The following DAB1 variants were observed in gnomAD, a reference collection of about 807,000 sequenced individuals.
DAB1 encodes disabled homolog 1.
Under a neutral mutation model 64.6 loss-of-function variants are expected in DAB1, and 15 were observed. The ratio of observed to expected loss-of-function variants is 0.23; its 90% CI spans 0.16 to 0.36. The LOEUF is 0.36. DAB1 is among the 10% of genes least tolerant of loss of function. DAB1 has a pLI of 1.00. For synonymous variants in DAB1, 235 were observed against 251.9 expected (o/e 0.93, Z 0.64); for missense variants, 596 against 706.7 (o/e 0.84, Z 1.78).
At chr1:57,235,110 T>C (rs923121759) in intron 2 of DAB1, among the ~76,000 whole-genome samples, 8 of 152,180 alleles carry the variant, frequency 5.3e-5, no homozygotes, top group African/African-American at 1.9e-4. Context: ...GGAAATACCA[T>C]TTGGGGGCCA....
chr1:58,099,175 C>A (rs1651166001), intron 5 of DAB1, among the ~76,000 whole-genome samples: 1 of 152,194 alleles, frequency 6.6e-6, no homozygotes, highest in Non-Finnish European at 1.5e-5. Flanking sequence ...CATGCTGGCT[C>A]TTTTCCCTGG....
chr1:57,237,255 G>T (rs1007907111), intron 2 of DAB1, among the ~76,000 whole-genome samples: 2 of 152,170 alleles, frequency 1.3e-5, no homozygotes, highest in Non-Finnish European at 2.9e-5. Flanking sequence ...CATTTGTTGG[G>T]ATGAAGCAGG....
In DAB1 at chr1:57,635,958, G is replaced by A. The variant is rs549041964; in HGVS notation, n.625+13634C>T. Among the ~76,000 whole-genome samples, 102 of 151,998 alleles carry A rather than the reference G, an allele frequency of 6.7e-4. 1 individual carries two copies. Among genetic ancestry groups the A allele is most frequent in the Non-Finnish European group, 1.3e-3 (85 of 67,982 alleles). On this transcript the variant is annotated intron_variant and non_coding_transcript_variant, in intron 7 of 20. Transcript: ENST00000485760. ...AAAATACAACAAAAATTAGCCAGGC[G>A]CGGTGGCGGGCGCCTGTAGTCCCAA...
chr1:57,313,647 A>G (rs552853102), intron 1 of DAB1, among the ~76,000 whole-genome samples: 2 of 152,316 alleles, frequency 1.3e-5, no homozygotes, highest in African/African-American at 4.8e-5. Context: ...CTGACCTCCC[A>G]CCACGCCTGT....
intron 6 of DAB1, among the ~76,000 whole-genome samples, chr1:57,780,147 C>T (rs1649997026): frequency 6.6e-6 from 1 of 152,078 alleles, no homozygotes; most frequent in Non-Finnish European, 1.5e-5. Context: ...GGATTCTGAA[C>T]ACTTGGAGGT....
chr1:58,229,922 C>A (rs981876474), intron 4 of DAB1, among the ~76,000 whole-genome samples: 27 of 152,210 alleles, frequency 1.8e-4, no homozygotes, highest in African/African-American at 6.3e-4. Flanking sequence ...CAGGACCACA[C>A]AGACAGATAG....
rs190493763 is a variant in DAB1 at position 58,227,866 on chromosome 1, G to T, written n.310-77278C>A. Reference sequence around the variant, plus strand: ...GATGGCCTGACAAAACAGTTTCTGAGATTTATTTCTGTTGGACAATTTTGC... The same window carrying T: ...GATGGCCTGACAAAACAGTTTCTGATATTTATTTCTGTTGGACAATTTTGC... On this transcript the variant is annotated intron_variant and non_coding_transcript_variant, in intron 4 of 20. Transcript: ENST00000485760. Among the ~76,000 whole-genome samples, 391 of 152,306 alleles carry T rather than the reference G, an allele frequency of 2.6e-3. 2 individuals carry two copies. Among genetic ancestry groups the T allele is most frequent in the African/African-American group, 9.0e-3 (374 of 41,574 alleles).
intron 7 of DAB1, among the ~76,000 whole-genome samples, chr1:57,482,475 T>A (rs1425321355): frequency 8.9e-6 from 1 of 112,726 alleles, no homozygotes; most frequent in African/African-American, 3.9e-5. Context: ...AGCTGAAAGT[T>A]GTAAAAAAAA....
intron 6 of DAB1, among the ~76,000 whole-genome samples, chr1:57,704,048 T>C (rs1570753364): frequency 6.6e-6 from 1 of 151,562 alleles, no homozygotes; most frequent in Non-Finnish European, 1.5e-5. Context: ...GGGTGGAGGG[T>C]GAGAGGAGGG....
At chr1:57,962,588 G>T (rs1272640314) in intron 5 of DAB1, among the ~76,000 whole-genome samples, 1 of 152,166 alleles carries the variant, frequency 6.6e-6, no homozygotes, top group Admixed American at 6.5e-5. Flanking sequence ...ATCCCAGGAA[G>T]AGGCCAGGTG....
chr1:58,318,160 G>C (rs555844520), intron 4 of DAB1, among the ~76,000 whole-genome samples: 93 of 152,340 alleles, frequency 6.1e-4, no homozygotes, highest in South Asian at 1.2e-3. Flanking sequence ...AAGAGATGAG[G>C]AGTTGTGTCC....
At chr1:57,559,638 C>T (rs554013038) in intron 7 of DAB1, among the ~76,000 whole-genome samples, 1 of 152,234 alleles carries the variant, frequency 6.6e-6, no homozygotes, top group South Asian at 2.1e-4. Context: ...TCAGGTCTGA[C>T]TTACAGTGGG....
intron 2 of DAB1, among the ~76,000 whole-genome samples, chr1:57,210,967 A>G (rs924020774): frequency 1.3e-5 from 2 of 152,260 alleles, no homozygotes; most frequent in Non-Finnish European, 2.9e-5. Flanking sequence ...AGACTCTGCC[A>G]TTCTAATCTG....
chr1:57,556,386 C>T (rs776010645), intron 7 of DAB1, among the ~76,000 whole-genome samples: 1 of 152,116 alleles, frequency 6.6e-6, no homozygotes, highest in Non-Finnish European at 1.5e-5. Context: ...CTAGTTTACA[C>T]TCCCACCAAC....
At chr1:57,450,234 A>T (rs1410879922) in intron 7 of DAB1, among the ~76,000 whole-genome samples, 2 of 152,228 alleles carry the variant, frequency 1.3e-5, no homozygotes, top group Non-Finnish European at 2.9e-5. Flanking sequence ...TAAACGACTG[A>T]CACTTGATAT....
intron 4 of DAB1, among the ~76,000 whole-genome samples, chr1:57,129,318 C>T (rs564560867): frequency 6.6e-6 from 1 of 152,044 alleles, no homozygotes; most frequent in East Asian, 1.9e-4. Flanking sequence ...ATTTGGGCTA[C>T]GAATTGATTT....
At chr1:58,300,641 AGAGAGAGGAAGGAAGGAAGG>A (rs1342768640) in intron 4 of DAB1, among the ~76,000 whole-genome samples, 6 of 58,314 alleles carry the variant, frequency 1.0e-4, no homozygotes, top group African/African-American at 1.9e-4. Context: ...AGAGAGAGAG[AGAGAGAGGAAGGAAGGAAGG>A]AAGGAAGGAA....
At chr1:58,231,354 G>A (rs1043283165) in intron 4 of DAB1, among the ~76,000 whole-genome samples, 3 of 152,190 alleles carry the variant, frequency 2.0e-5, no homozygotes, top group Admixed American at 1.3e-4. Flanking sequence ...GAGCAGGACT[G>A]TTTCAAAGAC....
intron 7 of DAB1, among the ~76,000 whole-genome samples, chr1:57,494,973 G>A (rs1330447394): frequency 6.6e-6 from 1 of 152,136 alleles, no homozygotes; most frequent in Non-Finnish European, 1.5e-5. Flanking sequence ...TAATATATGG[G>A]ATAACTGAAT....
Sources: allele counts gnomAD v4.1 joint callset (sites outside exome capture counted in the v4.1 genomes callset), GRCh38; gene constraint gnomAD v4.1.1; transcripts MANE v1.5; gene names NCBI Gene and HGNC (gene_info 2026-07-23, HGNC 2026-07-21).